Variants in ME1 observed in about 807,000 individuals in gnomAD.
ME1 encodes malic enzyme 1, also known as NADP-dependent malic enzyme.
In ME1, 74 loss-of-function variants were observed where a neutral mutation model predicts 66.4. That is an observed-to-expected ratio of 1.11 (90% CI 0.92 to 1.35). The LOEUF (loss-of-function observed/expected upper bound fraction) is 1.35. Among genes scored for constraint, ME1 ranks in the 40% most tolerant of loss-of-function variants. The pLI is 0.00. For synonymous variants in ME1, 251 were observed against 235.6 expected (o/e 1.07, Z -0.60); for missense variants, 750 against 694.1 (o/e 1.08, Z -0.90).
intron 6 of ME1, among the ~76,000 whole-genome samples, chr6:83,300,727 G>C (rs1352957645): frequency 6.9e-6 from 1 of 145,158 alleles, no homozygotes; most frequent in African/African-American, 2.6e-5. Context: ...AAATCATGCT[G>C]CTATAAAGAC....
rs189769728 is a variant in ME1 at position 83,288,804 on chromosome 6, A to T, written c.704+26506T>A. Among the ~76,000 whole-genome samples, 20 of 152,240 alleles carry T rather than the reference A, an allele frequency of 1.3e-4. No individual in the cohort carries two copies. The East Asian group carries it at 3.5e-3, about 26-fold the overall frequency. ...ATCCATGAGCATGGAATGTTTTTCC[A>T]CTTGTTTGTGTCCTCTATTATTTCC... On this transcript the variant is annotated intron_variant, in intron 6 of 13. Coordinates refer to ENST00000369705, the MANE Select transcript of ME1 (RefSeq NM_002395.6).
intron 6 of ME1, among the ~76,000 whole-genome samples, chr6:83,258,350 A>G (rs182444983): frequency 9.6e-4 from 146 of 152,300 alleles, no homozygotes; most frequent in Middle Eastern, 3.4e-3. Context: ...ATCTTGCATC[A>G]TATAATAAAA....
chr6:83,271,787 T>C (rs562399830), intron 6 of ME1, among the ~76,000 whole-genome samples: 1 of 152,286 alleles, frequency 6.6e-6, no homozygotes, highest in South Asian at 2.1e-4. Context: ...TAGCAAGTTA[T>C]AACTTCAAGT....
At chr6:83,318,552 A>C (rs1768084331) in intron 5 of ME1, among the ~76,000 whole-genome samples, 1 of 93,078 alleles carries the variant, frequency 1.1e-5, no homozygotes, top group African/African-American at 3.8e-5. Flanking sequence ...ACATGAAAAA[A>C]TGCTCATCAT....
At chr6:83,243,615 C>T (rs183486481) in intron 7 of ME1, among the ~76,000 whole-genome samples, 33,133 of 88,426 alleles carry the variant, frequency 0.37, 7,333 homozygotes, top group African/African-American at 0.54. Flanking sequence ...TACATTATAT[C>T]GATATAATCT....
At chr6:83,270,416 AT>A (rs200629263) in intron 6 of ME1, among the ~76,000 whole-genome samples, 10 of 152,048 alleles carry the variant, frequency 6.6e-5, no homozygotes, top group African/African-American at 2.2e-4. Context: ...TAAAAAAAAA[AT>A]TTGATATTTC....
intron 3 of ME1, among the ~76,000 whole-genome samples, chr6:83,389,286 G>A (rs1344276475): frequency 6.6e-6 from 1 of 152,120 alleles, no homozygotes; most frequent in Admixed American, 6.6e-5. Context: ...TTCTGTGTGA[G>A]TGAATGAATA....
rs550533318 is a variant in ME1, at chr6:83,360,333, T to G, written c.363-8194A>C. Among the ~76,000 whole-genome samples, 341 of 152,324 alleles carry G rather than the reference T, an allele frequency of 2.2e-3. 2 individuals carry two copies. The highest frequency in any genetic ancestry group is 8.0e-3 in the African/African-American group (331 of 41,576). On this transcript the variant is annotated intron_variant, in intron 3 of 13. Transcript: ENST00000369705. ...AATGATCAGACATTTTGGGGACTAC[T>G]GGACAATGGCTCTGAGCTGACGTTG...
chr6:83,421,150 T>C (rs1770258763), intron 1 of ME1, among the ~76,000 whole-genome samples: 1 of 152,222 alleles, frequency 6.6e-6, no homozygotes. Flanking sequence ...AAAACTTCTT[T>C]CTAAATCCTT....
chr6:83,273,285 T>C (rs907666817), intron 6 of ME1, among the ~76,000 whole-genome samples: 1 of 151,992 alleles, frequency 6.6e-6, no homozygotes, highest in Non-Finnish European at 1.5e-5. Flanking sequence ...AAGGTTTTAA[T>C]GTAACTATGA....
intron 6 of ME1, among the ~76,000 whole-genome samples, chr6:83,280,847 G>T (rs886985838): frequency 6.6e-6 from 1 of 152,178 alleles, no homozygotes; most frequent in Non-Finnish European, 1.5e-5. Context: ...TGTATCTGCA[G>T]TGCCTAGAAC....
chr6:83,358,072 G>A (rs1768933561), intron 3 of ME1, among the ~76,000 whole-genome samples: 1 of 149,890 alleles, frequency 6.7e-6, no homozygotes, highest in East Asian at 2.0e-4. Flanking sequence ...TATAAGGAGT[G>A]GTTCTAGTGG....
rs145818681 is a variant in ME1, at chr6:83,391,183, C to T, written c.362+7184G>A. Among the ~76,000 whole-genome samples the T allele has an allele frequency of 2.4e-4, 37 of 152,154 alleles. No homozygotes were observed. In the East Asian group the frequency reaches 4.1e-3, roughly 17 times the overall value. On this transcript the variant is annotated intron_variant, in intron 3 of 13. Transcript: ENST00000369705. ...GGAATTCAAAAGTATGGATAAGATG[C>T]GGCAGGCTGTAGTATTACTCCCAAT...
chr6:83,419,868 T>A (rs1359000382), intron 1 of ME1, among the ~76,000 whole-genome samples: 1 of 152,172 alleles, frequency 6.6e-6, no homozygotes, highest in African/African-American at 2.4e-5. Flanking sequence ...GGGGTGGCAA[T>A]GCATTAAATA....
chr6:83,253,413 T>A (rs1160807445), intron 7 of ME1, among the ~76,000 whole-genome samples: 2 of 152,150 alleles, frequency 1.3e-5, no homozygotes, highest in Non-Finnish European at 2.9e-5. Flanking sequence ...TTGGAGCTCA[T>A]TTTCTAGCTA....
chr6:83,319,903 G>T (rs1002762981), intron 5 of ME1, among the ~76,000 whole-genome samples: 1 of 152,118 alleles, frequency 6.6e-6, no homozygotes, highest in Non-Finnish European at 1.5e-5. Context: ...CTGCCTCACC[G>T]TTGTATGTTT....
chr6:83,227,497 C>T lies in ME1; in HGVS notation c.1133-20G>A. The T allele has an allele frequency of 4.4e-6, 7 of 1,573,160 alleles. No homozygotes were observed. The highest frequency in any genetic ancestry group is 6.1e-6 in the Non-Finnish European group (7 of 1,154,508). On this transcript the variant is annotated intron_variant, in intron 10 of 13. Coordinates refer to ENST00000369705, the MANE Select transcript of ME1 (RefSeq NM_002395.6). ...CAACTCCTAATGAAGAAATATGAAG[C>T]TGGTAATTAACACTATCATTGGTTA... is the stretch of plus-strand genomic sequence containing the variant.
At chr6:83,219,380 C>T (rs117364746) in intron 12 of ME1, among the ~76,000 whole-genome samples, 2,567 of 152,172 alleles carry the variant, frequency 0.017, 37 homozygotes, top group Non-Finnish European at 0.024. Context: ...GTGAGGTAGA[C>T]CTATGTTTGA....
chr6:83,388,997 T>C (rs1229791089), intron 3 of ME1, among the ~76,000 whole-genome samples: 1 of 152,168 alleles, frequency 6.6e-6, no homozygotes, highest in South Asian at 2.1e-4. Flanking sequence ...TGCATGCCTG[T>C]AATCCTAGCT....
Sources: allele counts gnomAD v4.1 joint callset (sites outside exome capture counted in the v4.1 genomes callset), GRCh38; gene constraint gnomAD v4.1.1; transcripts MANE v1.5; gene names NCBI Gene and HGNC (gene_info 2026-07-23, HGNC 2026-07-21).